ACSF3: variants seen among roughly 807,000 people sequenced by gnomAD.
ACSF3 encodes the protein acyl-CoA synthetase family member 3.
Under a neutral mutation model 53.2 loss-of-function variants are expected in ACSF3, and 78 were observed. That is an observed-to-expected ratio of 1.47 (90% CI 1.22 to 1.77). ACSF3 has a LOEUF of 1.77. Ranked by LOEUF, ACSF3 falls within the 40% of genes most tolerant of loss-of-function variation. The pLI is 0.00. For missense variants in ACSF3, 937 were observed against 771.1 expected (o/e 1.22, Z -2.55); for synonymous variants, 414 against 333.1 (o/e 1.24, Z -2.65).
chr16:89,127,405 C>T (rs562717545), intron 7 of ACSF3, among the ~76,000 whole-genome samples: 7 of 152,252 alleles, frequency 4.6e-5, no homozygotes, highest in Admixed American at 2.0e-4. Context: ...CGTTCTGTCA[C>T]GCAGGCTGGA....
chr16:89,119,000 C>T (rs1418728109), intron 6 of ACSF3, among the ~76,000 whole-genome samples: 2 of 151,884 alleles, frequency 1.3e-5, no homozygotes, highest in Non-Finnish European at 2.9e-5. Flanking sequence ...TGTGGGGACC[C>T]CTCCCTCGAG....
chr16:89,141,641 C>G (rs1911781329), intron 8 of ACSF3, among the ~76,000 whole-genome samples: 1 of 152,226 alleles, frequency 6.6e-6, no homozygotes, highest in East Asian at 1.9e-4. Flanking sequence ...CTTGGGCTTT[C>G]CTCTGTGGGC....
chr16:89,100,092 G>A (rs1975092173), intron 2 of ACSF3, among the ~76,000 whole-genome samples: 1 of 152,148 alleles, frequency 6.6e-6, no homozygotes, highest in African/African-American at 2.4e-5. Context: ...AGTGAGCCAT[G>A]ATTGCATCAC....
At chr16:89,137,483 A>C (rs71279375) in intron 8 of ACSF3, among the ~76,000 whole-genome samples, 1 of 59,468 alleles carries the variant, frequency 1.7e-5, no homozygotes, top group African/African-American at 6.8e-5. Flanking sequence ...TCACGGGGAA[A>C]GATTGAGGGG....
chr16:89,131,844 C>T (rs1424232867), intron 7 of ACSF3, among the ~76,000 whole-genome samples: 1 of 152,274 alleles, frequency 6.6e-6, no homozygotes, highest in East Asian at 1.9e-4. Flanking sequence ...AAAAAACAAA[C>T]ACAAGGCTCT....
In ACSF3 at chr16:89,145,399, C is replaced by G. The variant is rs768219025; in HGVS notation, c.1499C>G (p.Thr500Arg). 3.7e-6 allele frequency: 6 copies of G among 1,614,098 alleles called. No individual in the cohort carries two copies. In the South Asian group the frequency reaches 5.5e-5, roughly 15 times the overall value. ...EWHLLAHPSI[T>R]DVAVIGVPDM... ...CACCTGCTGGCCCACCCCAGCATCACAGGTGCGTGGCCGGACTTGGGCCAG... is the reference window on the plus strand; with the variant it reads ...CACCTGCTGGCCCACCCCAGCATCAGAGGTGCGTGGCCGGACTTGGGCCAG... Residue 500 changes from threonine to arginine, a missense_variant and splice_region_variant, in exon 9 of 11, where the codon ACA becomes AGA. Coordinates refer to ENST00000614302, the MANE Select transcript of ACSF3 (RefSeq NM_001243279.3).
chr16:89,146,198 G>T, intron 10 of ACSF3, 149 bp downstream of exon 10: 2 of 627,130 alleles, frequency 3.2e-6, no homozygotes, highest in Non-Finnish European at 5.6e-6. Flanking sequence ...AGACCTGAAG[G>T]CCGCACACAG....
rs761708790 is a variant in ACSF3, at chr16:89,154,256, T to A, written c.*49T>A. On this transcript the variant is annotated 3_prime_UTR_variant, in exon 11 of 11. Transcript: ENST00000614302. ...CTGGTGGGGAGCAGCAGACGTCCCC[T>A]TCACACCGAGAACCACGGGGGCCCG... 6.3e-6 allele frequency: 10 copies of A among 1,576,498 alleles called. No individual in the cohort carries two copies. In the South Asian group the frequency reaches 1.1e-4, roughly 18 times the overall value.
intron 8 of ACSF3, among the ~76,000 whole-genome samples, chr16:89,137,745 G>A (rs978819032): frequency 6.6e-6 from 1 of 152,140 alleles, no homozygotes; most frequent in Non-Finnish European, 1.5e-5. Flanking sequence ...CCCCCAGACT[G>A]AGAAATTCTG....
At chr16:89,138,090 C>T (rs1291727697) in intron 8 of ACSF3, among the ~76,000 whole-genome samples, 1 of 152,170 alleles carries the variant, frequency 6.6e-6, no homozygotes, top group Non-Finnish European at 1.5e-5. Flanking sequence ...CAGCCCCAGC[C>T]GCCGGGGATT....
intron 8 of ACSF3, among the ~76,000 whole-genome samples, chr16:89,133,960 C>G (rs575881873): frequency 3.3e-5 from 5 of 152,200 alleles, no homozygotes; most frequent in Non-Finnish European, 7.3e-5. Context: ...CTGCCCTGAG[C>G]TGCTGCTGCC....
At chr16:89,148,059 G>A (rs1913434383) in intron 10 of ACSF3, 1 of 151,594 alleles carries the variant, frequency 6.6e-6, no homozygotes, top group Non-Finnish European at 1.5e-5. Context: ...CCAAAACCTA[G>A]CAAGGCAGTC....
chr16:89,096,717 G>A (rs566387471), intron 1 of ACSF3, among the ~76,000 whole-genome samples: 4 of 152,308 alleles, frequency 2.6e-5, no homozygotes, highest in African/African-American at 9.6e-5. Flanking sequence ...ACAGCTGTAG[G>A]TGCCAGGACT....
At chr16:89,126,311 C>G (rs906834040) in intron 7 of ACSF3, among the ~76,000 whole-genome samples, 15 of 152,084 alleles carry the variant, frequency 9.9e-5, no homozygotes, top group Non-Finnish European at 1.8e-4. Context: ...TCCTTTCGCC[C>G]AGGCTGGAGT....
rs1300718454 is a variant in ACSF3, at chr16:89,155,817, C to T, written c.*1610C>T. 6.6e-6 allele frequency: 3 copies of T among 453,156 alleles called. No homozygotes were observed. The highest frequency in any genetic ancestry group is 1.3e-5 in the Non-Finnish European group (3 of 226,494). 28.1% of individuals were successfully genotyped at this position (453,156 alleles called of 1,614,324 possible). A position where few individuals can be genotyped will look rare whatever the true frequency, so the allele number is the denominator to read the frequency against. The stretch of plus-strand genomic sequence containing the variant: ...CCTGAAACTTTTGATTCCTAAAAAG[C>T]TTACATAATCATTTGCTTTATCCGA... On this transcript the variant is annotated 3_prime_UTR_variant, in exon 11 of 11. Transcript: ENST00000614302.
Position 89,098,690 on chromosome 16 carries a change from C to T in ACSF3, c.-94C>T. ...GCACCTTATCGTGCCCTTCCACCTG[C>T]TGAAGCAGCTGTGCCTGCCGCTCTT... On this transcript the variant is annotated 5_prime_UTR_variant, in exon 2 of 11. Transcript: ENST00000614302. 2.2e-6 allele frequency: 1 copy of T among 454,150 alleles called. No individual in the cohort carries two copies. The highest frequency in any genetic ancestry group is 4.4e-6 in the Non-Finnish European group (1 of 226,804). 28.1% of individuals were successfully genotyped at this position (454,150 alleles called of 1,614,324 possible). A position where few individuals can be genotyped will look rare whatever the true frequency, so the allele number is the denominator to read the frequency against.
chr16:89,142,173 G>A (rs1911894009), intron 8 of ACSF3, among the ~76,000 whole-genome samples: 1 of 152,096 alleles, frequency 6.6e-6, no homozygotes, highest in African/African-American at 2.4e-5. Flanking sequence ...TTGGAGGCCA[G>A]GCAGGGCTAT....
At chr16:89,124,490 A>T (rs1390396593) in intron 7 of ACSF3, among the ~76,000 whole-genome samples, 2 of 66,698 alleles carry the variant, frequency 3.0e-5, no homozygotes, top group Non-Finnish European at 3.7e-5. Context: ...GCACACACTG[A>T]GTGTGTGTTA....
At chr16:89,112,004 T>A (rs1350971475) in intron 4 of ACSF3, 88 bp from the exon 5 acceptor site, 4 of 1,293,214 alleles carry the variant, frequency 3.1e-6, no homozygotes, top group Non-Finnish European at 4.5e-6. Context: ...ATGTGAACCA[T>A]GAGAACGCTG....
Sources: allele counts gnomAD v4.1 joint callset (sites outside exome capture counted in the v4.1 genomes callset), GRCh38; gene constraint gnomAD v4.1.1; transcripts MANE v1.5; gene names NCBI Gene and HGNC (gene_info 2026-07-23, HGNC 2026-07-21).